Variants in GABRA2 observed in about 807,000 individuals in gnomAD.
GABRA2 encodes gamma-aminobutyric acid type A receptor subunit alpha2, also known as gamma-aminobutyric acid receptor subunit alpha-2.
Under a neutral mutation model 48.7 loss-of-function variants are expected in GABRA2, and 16 were observed. The observed-to-expected ratio is 0.33, with a 90% CI of 0.22 to 0.50. GABRA2 has a LOEUF of 0.50. Among genes scored for constraint, GABRA2 ranks in the 20% least tolerant of loss-of-function variants. The probability of loss-of-function intolerance (pLI) is 0.98; values close to 1 mark genes in which losing one functional copy is unlikely to be tolerated. For synonymous variants in GABRA2, 185 were observed against 184.5 expected, an observed-to-expected ratio of 1.00 and a Z score of -0.02; for missense variants, 275 against 535.6, an observed-to-expected ratio of 0.51 and a Z score of 4.80.
At chr4:46,373,008 A>C (rs1331932653) in intron 3 of GABRA2, among the ~76,000 whole-genome samples, 1 of 152,168 alleles carries the variant, frequency 6.6e-6, no homozygotes, top group Non-Finnish European at 1.5e-5. Context: ...AGCTGTTCCA[A>C]TGAAGTGGCA....
chr4:46,303,681 A>G, intron 7 of GABRA2, 69 bp from the exon 8 acceptor site: 1 of 1,371,974 alleles, frequency 7.3e-7, no homozygotes, highest in Non-Finnish European at 1.0e-6. Flanking sequence ...AATAGAAGGG[A>G]TCAGAGGTAG....
chr4:46,290,802 C>T (rs1723478646), intron 8 of GABRA2, among the ~76,000 whole-genome samples: 3 of 152,042 alleles, frequency 2.0e-5, no homozygotes, highest in African/African-American at 7.2e-5. Context: ...TAATTTGTGA[C>T]TATGTGACAA....
chr4:46,338,647 C>G (rs1460939823), intron 3 of GABRA2, among the ~76,000 whole-genome samples: 2 of 151,842 alleles, frequency 1.3e-5, no homozygotes, highest in African/African-American at 4.8e-5. Context: ...ATATGTGTGC[C>G]AATTACTTGA....
intron 3 of GABRA2, among the ~76,000 whole-genome samples, chr4:46,361,718 C>T (rs149835093): frequency 1.4e-3 from 219 of 152,334 alleles, no homozygotes; most frequent in Non-Finnish European, 2.3e-3. Flanking sequence ...ACACTCAACG[C>T]TAGCCTGTGA....
At chr4:46,328,398 T>A (rs1224697581) in intron 4 of GABRA2, among the ~76,000 whole-genome samples, 2 of 151,976 alleles carry the variant, frequency 1.3e-5, no homozygotes, top group Admixed American at 1.3e-4. Flanking sequence ...CAAATCTACA[T>A]CACTGACCTG....
chr4:46,352,833 G>A (rs1208112582), intron 3 of GABRA2, among the ~76,000 whole-genome samples: 1 of 152,070 alleles, frequency 6.6e-6, no homozygotes, highest in East Asian at 1.9e-4. Flanking sequence ...TAAAGTGCTT[G>A]GATCAGACAA....
At chr4:46,367,723 A>T (rs1256360633) in intron 3 of GABRA2, 1 of 152,132 alleles carries the variant, frequency 6.6e-6, no homozygotes, top group African/African-American at 2.4e-5. Flanking sequence ...AAAGTTGCAG[A>T]ATTATACATC....
chr4:46,275,945 A>C (rs1720414050), intron 8 of GABRA2, among the ~76,000 whole-genome samples: 1 of 152,142 alleles, frequency 6.6e-6, no homozygotes, highest in Non-Finnish European at 1.5e-5. Flanking sequence ...AAATGCACTC[A>C]AAATTTGGCT....
chr4:46,262,621 T>C (rs1717202869), intron 8 of GABRA2, among the ~76,000 whole-genome samples: 1 of 152,100 alleles, frequency 6.6e-6, no homozygotes, highest in South Asian at 2.1e-4. Flanking sequence ...TTCAAGAGGC[T>C]GGGCATGGTG....
At chr4:46,382,232 A>G (rs932368523) in intron 3 of GABRA2, among the ~76,000 whole-genome samples, 1 of 152,044 alleles carries the variant, frequency 6.6e-6, no homozygotes, top group Non-Finnish European at 1.5e-5. Context: ...AAGCACAAAG[A>G]AAAAATGAAA....
chr4:46,316,188 G>C (rs187982651), intron 4 of GABRA2, among the ~76,000 whole-genome samples: 1 of 151,614 alleles, frequency 6.6e-6, no homozygotes, highest in East Asian at 1.9e-4. Flanking sequence ...TTTATAATTT[G>C]TCACCGTCAC....
intron 3 of GABRA2, among the ~76,000 whole-genome samples, chr4:46,348,764 G>A (rs1232356662): frequency 3.8e-5 from 5 of 132,332 alleles, no homozygotes; most frequent in South Asian, 2.7e-4. Flanking sequence ...ATCACACTCC[G>A]GGGACTGTTG....
At chr4:46,291,968 C>G (rs938419659) in intron 8 of GABRA2, among the ~76,000 whole-genome samples, 1 of 151,748 alleles carries the variant, frequency 6.6e-6, no homozygotes, top group Admixed American at 6.6e-5. Flanking sequence ...ATAATTAGAC[C>G]TCAAAATGCT....
chr4:46,365,591 C>T (rs1713915984), intron 3 of GABRA2: 1 of 152,058 alleles, frequency 6.6e-6, no homozygotes, highest in Non-Finnish European at 1.5e-5. Flanking sequence ...TTTACAGGAA[C>T]ATTACAAATA....
chr4:46,276,025 G>A (rs1720434038), intron 8 of GABRA2, among the ~76,000 whole-genome samples: 1 of 151,806 alleles, frequency 6.6e-6, no homozygotes, highest in South Asian at 2.1e-4. Flanking sequence ...AATGAGAGTG[G>A]AAAAGTCGAT....
intron 8 of GABRA2, among the ~76,000 whole-genome samples, chr4:46,283,028 G>T (rs1427239650): frequency 6.6e-6 from 1 of 152,196 alleles, no homozygotes; most frequent in Non-Finnish European, 1.5e-5. Context: ...TACTCTGGCT[G>T]CCAAGTATGT....
In GABRA2 at chr4:46,315,940, TATACACAC is replaced by T. The variant is rs1174986487; in HGVS notation, c.256-3232_256-3225del. ...CATGTACTTTCACATTTAGTACATA[TATACACAC>T]ACACACACACACACACATATATATA... On this transcript the variant is annotated intron_variant, in intron 4 of 9. Coordinates refer to ENST00000381620, the MANE Select transcript of GABRA2 (RefSeq NM_000807.4). Among the ~76,000 whole-genome samples the T allele has an allele frequency of 7.4e-5, 11 of 149,550 alleles. No homozygotes were observed. In the Admixed American group the frequency reaches 7.4e-4, roughly 10 times the overall value.
chr4:46,332,738 GAGA>G, intron 3 of GABRA2, 56 bp from the exon 4 acceptor site: 1 of 1,071,222 alleles, frequency 9.3e-7, no homozygotes, highest in Admixed American at 1.8e-5. Context: ...CCACAGGAGA[GAGA>G]AGGGTTTGAG....
intron 5 of GABRA2, among the ~76,000 whole-genome samples, chr4:46,311,918 G>C (rs1018674367): frequency 6.6e-6 from 1 of 152,138 alleles, no homozygotes; most frequent in African/African-American, 2.4e-5. Flanking sequence ...GGCCAACATG[G>C]CGAAACACCG....
Sources: allele counts gnomAD v4.1 joint callset (sites outside exome capture counted in the v4.1 genomes callset), GRCh38; gene constraint gnomAD v4.1.1; transcripts MANE v1.5; gene names NCBI Gene and HGNC (gene_info 2026-07-23, HGNC 2026-07-21).